The following ERICH1 variants were observed in gnomAD, a reference collection of about 807,000 sequenced individuals.
The protein encoded by ERICH1 is glutamate rich 1, also known as glutamate-rich protein 1.
ERICH1 carries 56 observed loss-of-function variants against 39.6 expected under a neutral mutation model. The observed-to-expected ratio is 1.41, with a 90% CI of 1.14 to 1.77. The LOEUF is 1.77. ERICH1 is among the 40% of genes most tolerant of loss of function. The pLI, the probability that ERICH1 is intolerant of heterozygous loss-of-function variation, is 0.00. For synonymous variants in ERICH1, 313 were observed against 223.6 expected (o/e 1.40, Z -3.57); for missense variants, 826 against 575.4 (o/e 1.44, Z -4.45).
chr8:712,565 G>A (rs764433486), intron 2 of ERICH1, among the ~76,000 whole-genome samples: 1 of 152,252 alleles, frequency 6.6e-6, no homozygotes, highest in African/African-American at 2.4e-5. Context: ...GAGTAGCTGG[G>A]ACTACAGGTG....
chr8:634,857 G>C (rs1470652323), intron 3 of ERICH1, among the ~76,000 whole-genome samples: 5 of 152,220 alleles, frequency 3.3e-5, no homozygotes, highest in Non-Finnish European at 7.3e-5. Context: ...GAGTTTTGCA[G>C]CTCTATAGCC....
At position 717,585 on chromosome 8, in the gene ERICH1, T is replaced by C. The variant is rs748078722; in HGVS notation, c.23-1578A>G. Among the ~76,000 whole-genome samples the C allele has an allele frequency of 6.6e-5, 10 of 152,342 alleles. No homozygotes were observed. The South Asian group carries it at 1.2e-3, about 19-fold the overall frequency. On this transcript the variant is annotated intron_variant, in intron 1 of 5. Transcript: ENST00000262109. The stretch of plus-strand genomic sequence containing the variant: ...CCAAGCTGGTGATGAGCAGAGGAGA[T>C]GGTAGGCAGATAAGATGCACTTTAT...
At chr8:717,289 T>C (rs1816236577) in intron 1 of ERICH1, among the ~76,000 whole-genome samples, 1 of 152,210 alleles carries the variant, frequency 6.6e-6, no homozygotes, top group African/African-American at 2.4e-5. Flanking sequence ...TTGAATATGA[T>C]GCAGAAGTGC....
At chr8:712,378 T>C (rs1372257932) in intron 2 of ERICH1, among the ~76,000 whole-genome samples, 2 of 152,208 alleles carry the variant, frequency 1.3e-5, no homozygotes, top group Non-Finnish European at 2.9e-5. Context: ...AGATCTACAC[T>C]AAAATATTTT....
At chr8:663,273 G>GCAT (rs1801704481), downstream of ERICH1, among the ~76,000 whole-genome samples, 1 of 152,102 alleles carries the variant, frequency 6.6e-6, no homozygotes, top group Admixed American at 6.5e-5. Context: ...GCCCATCTGA[G>GCAT]CATCAGCTTT....
At chr8:674,824 C>T (rs1276453140) in intron 3 of ERICH1, among the ~76,000 whole-genome samples, 1 of 152,196 alleles carries the variant, frequency 6.6e-6, no homozygotes, top group Non-Finnish European at 1.5e-5. Flanking sequence ...TCCAGGTTGG[C>T]AGAAGGTGGT....
At chr8:697,113 T>A (rs931043804) in intron 2 of ERICH1, among the ~76,000 whole-genome samples, 1 of 152,204 alleles carries the variant, frequency 6.6e-6, no homozygotes, top group Non-Finnish European at 1.5e-5. Context: ...TCTCTGTATA[T>A]ACACAGATGG....
At chr8:634,276 G>T (rs1203170708) in intron 3 of ERICH1, among the ~76,000 whole-genome samples, 2 of 151,786 alleles carry the variant, frequency 1.3e-5, no homozygotes, top group Non-Finnish European at 2.9e-5. Flanking sequence ...ATAAATCCAC[G>T]AAGCGGTGCT....
intron 3 of ERICH1, among the ~76,000 whole-genome samples, chr8:623,387 T>G (rs771739017): frequency 2.2e-4 from 34 of 152,298 alleles, no homozygotes; most frequent in Non-Finnish European, 3.7e-4. Flanking sequence ...GAAGGAAACC[T>G]CCTCAGCCTG....
chr8:663,161 A>G (rs1801682654), downstream of ERICH1, among the ~76,000 whole-genome samples: 1 of 152,222 alleles, frequency 6.6e-6, no homozygotes, highest in Non-Finnish European at 1.5e-5. Context: ...TGCTTCCAGA[A>G]GGTTCCAACA....
intron 3 of ERICH1, among the ~76,000 whole-genome samples, chr8:685,992 C>CAAA (rs33933491): frequency 7.8e-6 from 1 of 128,476 alleles, no homozygotes. Context: ...TAAAAAATAC[C>CAAA]AAAAAAAAAA....
Position 673,686 on chromosome 8 carries a change from C to T in ERICH1, c.666G>A (p.Gly222=). The change falls in exon 4 of 6, where the codon GGG becomes GGA. Residue 222 remains glycine (G), a synonymous_variant. Transcript: ENST00000262109. The part of the protein sequence containing the change: ...DTSEEDPTLA[G]EEDVKDTREE... ...CCCTGGTATCTTTAACGTCTTCCTC[C>T]CCGGCCAGTGTCGGGTCTTCCTCGC... 6.2e-7 allele frequency: 1 copy of T among 1,613,872 alleles called. No individual in the cohort carries two copies. Among genetic ancestry groups the T allele is most frequent in the Non-Finnish European group, 8.5e-7 (1 of 1,179,844 alleles).
intron 3 of ERICH1, among the ~76,000 whole-genome samples, chr8:658,204 C>T (rs919431592): frequency 6.6e-6 from 1 of 152,248 alleles, no homozygotes; most frequent in Non-Finnish European, 1.5e-5. Context: ...ACCCTCACCA[C>T]AGGAACAGGA....
chr8:685,319 A>T (rs969178566), intron 3 of ERICH1, among the ~76,000 whole-genome samples: 2 of 152,214 alleles, frequency 1.3e-5, no homozygotes, highest in African/African-American at 4.8e-5. Context: ...CCTAATGGTA[A>T]TCTCCCTTGT....
intron 1 of ERICH1, among the ~76,000 whole-genome samples, chr8:724,602 CTGAGAGGTCAT>C (rs1818141387): frequency 6.6e-6 from 1 of 152,170 alleles, no homozygotes; most frequent in African/African-American, 2.4e-5. Context: ...CTAAAACACG[CTGAGAGGTCAT>C]TGGGAAGGCC....
In ERICH1 at chr8:649,181, G is replaced by C. The variant is rs1799631269; in HGVS notation, c.976+19417C>G. ...GCACTTTATTACCTGGATGAATTTA[G>C]ACATGGGGGGCAGGAAACTGTGAGG... On this transcript the variant is annotated intron_variant, in intron 3 of 3. Coordinates refer to the ERICH1 transcript ENST00000522706. Among the ~76,000 whole-genome samples the C allele has an allele frequency of 2.9e-5, 2 of 69,142 alleles. 1 individual carries two copies. Among genetic ancestry groups the C allele is most frequent in the African/African-American group, 7.3e-5 (2 of 27,440 alleles). The allele number at this position is 69,142 out of a possible 152,430, so 45.4% of individuals were successfully genotyped here. A position where few individuals can be genotyped will look rare whatever the true frequency, so the allele number is the denominator to read the frequency against.
At chr8:662,936 C>G (rs1443719925), downstream of ERICH1, among the ~76,000 whole-genome samples, 2 of 152,194 alleles carry the variant, frequency 1.3e-5, no homozygotes, top group Non-Finnish European at 2.9e-5. Context: ...GACGGTGAAG[C>G]AGCGGCGCCT....
At chr8:662,895 G>A (rs554059765), downstream of ERICH1, among the ~76,000 whole-genome samples, 2 of 152,196 alleles carry the variant, frequency 1.3e-5, no homozygotes, top group Admixed American at 1.3e-4. Flanking sequence ...AGGGCGCCCT[G>A]CAGACAACCA....
At chr8:692,674 G>A (rs1809191702) in intron 2 of ERICH1, 62 bp from the exon 3 acceptor site, 1 of 1,484,508 alleles carries the variant, frequency 6.7e-7, no homozygotes. Context: ...TCATTTATTT[G>A]CCTTGATTAC....
Sources: allele counts gnomAD v4.1 joint callset (sites outside exome capture counted in the v4.1 genomes callset), GRCh38; gene constraint gnomAD v4.1.1; transcripts MANE v1.5; gene names NCBI Gene and HGNC (gene_info 2026-07-23, HGNC 2026-07-21).